UNC5D: variants seen among roughly 807,000 people sequenced by gnomAD.
UNC5D encodes netrin receptor UNC5D.
A neutral mutation model predicts 105.4 loss-of-function variants in UNC5D; 39 were observed. That is an observed-to-expected ratio of 0.37 (90% CI 0.29 to 0.48). UNC5D has a LOEUF of 0.48. Ranked by LOEUF, UNC5D falls within the 20% of genes least tolerant of loss-of-function variation. The pLI is 0.98. For missense variants in UNC5D, 991 were observed against 1,202.4 expected (o/e 0.82, Z 2.60); for synonymous variants, 452 against 450.4 (o/e 1.00, Z -0.04).
At chr8:35,366,414 C>T (rs1392927217) in intron 1 of UNC5D, among the ~76,000 whole-genome samples, 1 of 152,040 alleles carries the variant, frequency 6.6e-6, no homozygotes, top group Non-Finnish European at 1.5e-5. Flanking sequence ...TAATTACACT[C>T]GGTCTTCAGG....
chr8:35,545,651 C>CAA (rs199908875), intron 1 of UNC5D, among the ~76,000 whole-genome samples: 1 of 129,908 alleles, frequency 7.7e-6, no homozygotes, highest in East Asian at 2.2e-4. Flanking sequence ...TATACAAAGC[C>CAA]AAAAAAAAAA....
intron 1 of UNC5D, among the ~76,000 whole-genome samples, chr8:35,385,700 C>T (rs971008478): frequency 4.6e-5 from 7 of 152,182 alleles, no homozygotes; most frequent in Middle Eastern, 3.4e-3. Flanking sequence ...CTCCTGACCT[C>T]GTGATCCACC....
At chr8:35,358,621 T>A (rs771942700) in intron 1 of UNC5D, among the ~76,000 whole-genome samples, 10 of 152,142 alleles carry the variant, frequency 6.6e-5, no homozygotes, top group Non-Finnish European at 8.8e-5. Flanking sequence ...AATCTACATA[T>A]CCTGCACATG....
At chr8:35,480,792 T>G (rs1354325946) in intron 1 of UNC5D, among the ~76,000 whole-genome samples, 1 of 152,222 alleles carries the variant, frequency 6.6e-6, no homozygotes, top group Non-Finnish European at 1.5e-5. Flanking sequence ...ATGGTTACTG[T>G]TCATATGGAA....
Position 35,595,497 on chromosome 8 carries a change from A to C in UNC5D, c.467-57A>C, listed in dbSNP as rs535225220. The C allele has an allele frequency of 4.1e-5, 64 of 1,549,948 alleles. 1 individual carries two copies. The Admixed American group carries it at 5.0e-4, about 12-fold the overall frequency. ...GCTCACTTTTTTTGTACTTGGACCA[A>C]ATTTGAATAACACTAGACTTGAAAC... On this transcript the variant is annotated intron_variant, in intron 3 of 16. Coordinates refer to ENST00000404895, the MANE Select transcript of UNC5D (RefSeq NM_080872.4).
At chr8:35,478,731 A>G (rs1563456994) in intron 1 of UNC5D, among the ~76,000 whole-genome samples, 2 of 152,214 alleles carry the variant, frequency 1.3e-5, no homozygotes, top group East Asian at 3.8e-4. Context: ...TGTTAATAAC[A>G]TTAAACATTC....
intron 8 of UNC5D, among the ~76,000 whole-genome samples, chr8:35,714,193 A>T (rs1828122053): frequency 6.6e-6 from 1 of 152,238 alleles, no homozygotes; most frequent in African/African-American, 2.4e-5. Context: ...GAATGGAAAC[A>T]GATTCAGAGA....
intron 1 of UNC5D, among the ~76,000 whole-genome samples, chr8:35,305,815 C>A (rs1344849477): frequency 6.8e-6 from 1 of 146,814 alleles, no homozygotes; most frequent in Admixed American, 6.9e-5. Flanking sequence ...CTTTCTTTCT[C>A]TCTTTTTCTT....
Position 35,301,696 on chromosome 8 carries a change from T to C in UNC5D, c.103+65809T>C, listed in dbSNP as rs75954401. On this transcript the variant is annotated intron_variant, in intron 1 of 16. Transcript: ENST00000404895. The stretch of plus-strand genomic sequence containing the variant: ...GGTTTGTTTGCATTCTTAGGTTAGG[T>C]TGTTGCAGTTTGTTACATAGGAACG... 2.0e-3 allele frequency among the ~76,000 whole-genome samples: 299 copies of C among 152,294 alleles called. 4 individuals carry two copies. The East Asian group carries it at 0.041, about 21-fold the overall frequency.
chr8:35,569,501 T>C (rs1817583456), intron 3 of UNC5D, among the ~76,000 whole-genome samples: 1 of 152,232 alleles, frequency 6.6e-6, no homozygotes, highest in Non-Finnish European at 1.5e-5. Flanking sequence ...AAAACACACA[T>C]GTCACCTTCA....
At chr8:35,725,962 G>A (rs1268372460) in intron 9 of UNC5D, among the ~76,000 whole-genome samples, 190 bp from the exon 10 acceptor site, 1 of 152,198 alleles carries the variant, frequency 6.6e-6, no homozygotes, top group East Asian at 1.9e-4. Context: ...ATGGACGGTG[G>A]AAGCCAGGGC....
intron 9 of UNC5D, among the ~76,000 whole-genome samples, chr8:35,725,889 T>C (rs1286438552): frequency 6.6e-6 from 1 of 152,204 alleles, no homozygotes; most frequent in Non-Finnish European, 1.5e-5. Context: ...AATACTTGTT[T>C]TGAAAAGATA....
At chr8:35,427,696 G>C (rs1419751013) in intron 1 of UNC5D, among the ~76,000 whole-genome samples, 1 of 152,138 alleles carries the variant, frequency 6.6e-6, no homozygotes, top group Non-Finnish European at 1.5e-5. Flanking sequence ...TGTAATCCCT[G>C]TCCTTTCATA....
chr8:35,786,978 CAAGT>C (rs1193016883), intron 16 of UNC5D, among the ~76,000 whole-genome samples: 2 of 152,160 alleles, frequency 1.3e-5, no homozygotes, highest in South Asian at 2.1e-4. Context: ...GACAATCAAT[CAAGT>C]ATCAGTGTGC....
chr8:35,322,003 C>T (rs528883447), intron 1 of UNC5D, among the ~76,000 whole-genome samples: 16 of 152,198 alleles, frequency 1.1e-4, no homozygotes, highest in African/African-American at 1.7e-4. Flanking sequence ...GTGAGAAATG[C>T]GTTATGAATT....
At chr8:35,674,926 G>A (rs1167724961) in intron 4 of UNC5D, among the ~76,000 whole-genome samples, 1 of 152,148 alleles carries the variant, frequency 6.6e-6, no homozygotes, top group Admixed American at 6.5e-5. Context: ...ATCATGTTGT[G>A]AACTTCCGTA....
At chr8:35,448,334 T>C (rs1807931291) in intron 1 of UNC5D, among the ~76,000 whole-genome samples, 1 of 152,098 alleles carries the variant, frequency 6.6e-6, no homozygotes, top group Non-Finnish European at 1.5e-5. Context: ...TGAGGGGTTA[T>C]TTCAAAATTG....
rs1050433933 is a variant in UNC5D, at chr8:35,795,425, A to G, written c.*4862A>G. 1.3e-5 allele frequency: 2 copies of G among 152,158 alleles called. No individual in the cohort carries two copies. Among genetic ancestry groups the G allele is most frequent in the African/African-American group, 2.4e-5 (1 of 41,428 alleles). The allele number at this position is 152,158 out of a possible 1,614,324, so 9.4% of individuals were successfully genotyped here. ...AATTATATAATTCTCTTAAATTTTC[A>G]TTTCTGTAGGTGGAGATTTAACTAT... is the stretch of plus-strand genomic sequence containing the variant. On this transcript the variant is annotated 3_prime_UTR_variant, in exon 17 of 17. Coordinates refer to ENST00000404895, the MANE Select transcript of UNC5D (RefSeq NM_080872.4).
chr8:35,462,337 C>A (rs1808954977), intron 1 of UNC5D, among the ~76,000 whole-genome samples: 1 of 151,662 alleles, frequency 6.6e-6, no homozygotes, highest in Admixed American at 6.6e-5. Context: ...ATAGACTTAC[C>A]CACGTGCTTA....
Sources: allele counts gnomAD v4.1 joint callset (sites outside exome capture counted in the v4.1 genomes callset), GRCh38; gene constraint gnomAD v4.1.1; transcripts MANE v1.5; gene names NCBI Gene and HGNC (gene_info 2026-07-23, HGNC 2026-07-21).